Variants in ZNF507 observed in about 807,000 individuals in gnomAD.
The protein encoded by ZNF507 is zinc finger protein 507.
ZNF507 carries 29 observed loss-of-function variants against 80.0 expected under a neutral mutation model. The observed-to-expected ratio is 0.36, with a 90% CI of 0.27 to 0.49. The LOEUF is 0.49. Among genes scored for constraint, ZNF507 ranks in the 20% least tolerant of loss-of-function variants. ZNF507 has a pLI of 0.98. For missense variants in ZNF507, 1,081 were observed against 1,152.2 expected (o/e 0.94, Z 0.90); for synonymous variants, 462 against 422.5 (o/e 1.09, Z -1.15).
At chr19:32,373,086 C>T (rs1412871957) in intron 5 of ZNF507, among the ~76,000 whole-genome samples, 1 of 152,146 alleles carries the variant, frequency 6.6e-6, no homozygotes, top group African/African-American at 2.4e-5. Context: ...CAATAAAGCT[C>T]CCCTAAACCT....
chr19:32,355,495 G>T (rs912560238), intron 3 of ZNF507, among the ~76,000 whole-genome samples: 2 of 152,106 alleles, frequency 1.3e-5, no homozygotes, highest in African/African-American at 4.8e-5. Flanking sequence ...CATGTTTTAT[G>T]GGCAGGGTAA....
Position 32,382,835 on chromosome 19 carries a change from A to G in ZNF507, c.2614A>G (p.Ser872Gly), listed in dbSNP as rs1489465838. 4 of 1,614,196 alleles carry G rather than the reference A, an allele frequency of 2.5e-6. No homozygotes were observed. The Admixed American group carries it at 5.0e-5, about 20-fold the overall frequency. Reference sequence around the variant, plus strand: ...TTCAGAACTGATGTCCCAGACTCCCAGTGAAGTTCTGGGTACCAACGAGAA... The same window carrying G: ...TTCAGAACTGATGTCCCAGACTCCCGGTGAAGTTCTGGGTACCAACGAGAA... ...SSSELMSQTP[S>G]EVLGTNENEK... The change falls in exon 7 of 7, where the codon AGT becomes GGT. Residue 872 changes from serine (S) to glycine (G), a missense_variant. Physicochemically the swap from Ser to Gly is moderately conservative, Grantham distance 56. This residue lies in a region of ZNF507 where 138 missense variants were observed against 158.4 expected (regional missense o/e 0.87). Coordinates refer to ENST00000355898, the MANE Select transcript of ZNF507 (RefSeq NM_001136156.2).
chr19:32,374,093 C>T (rs973249884), intron 5 of ZNF507, among the ~76,000 whole-genome samples: 3 of 151,964 alleles, frequency 2.0e-5, no homozygotes, highest in African/African-American at 7.3e-5. Context: ...TTGAACCATC[C>T]TGTCGGGGGA....
intron 5 of ZNF507, among the ~76,000 whole-genome samples, chr19:32,370,661 A>AT (rs554789053): frequency 6.6e-4 from 100 of 151,738 alleles, no homozygotes; most frequent in African/African-American, 2.1e-3. Context: ...GTTTGCAGAT[A>AT]TTTTTTTTGC....
At chr19:32,351,665 A>C (rs928382691) in intron 2 of ZNF507, among the ~76,000 whole-genome samples, 2 of 152,020 alleles carry the variant, frequency 1.3e-5, no homozygotes, top group Non-Finnish European at 2.9e-5. Context: ...CTGGGACTGA[A>C]GTTTAAGAAT....
In ZNF507 at chr19:32,352,904, G is replaced by T. The variant is rs1599545486; in HGVS notation, c.74G>T (p.Ser25Ile). ...GEQEAILTAE[S>I]IISPSLEIDE... Reference sequence around the variant, plus strand: ...CAGGAAGCTATACTGACTGCTGAAAGTATCATCAGTCCTTCATTGGAAATT... The same window carrying T: ...CAGGAAGCTATACTGACTGCTGAAATTATCATCAGTCCTTCATTGGAAATT... Residue 25 changes from serine (S) to isoleucine (I), a missense_variant, in exon 3 of 7, where the codon AGT (serine) becomes ATT (isoleucine). Ser to Ile is a moderately radical substitution (Grantham distance 142, BLOSUM62 -2). Around this residue, in one of 6 missense-constraint regions of ZNF507, gnomAD observed 275 missense variants for 303.9 expected, o/e 0.90. Transcript: ENST00000355898. The T allele has an allele frequency of 6.2e-7, 1 of 1,613,540 alleles. No individual in the cohort carries two copies. Among genetic ancestry groups the T allele is most frequent in the South Asian group, 1.1e-5 (1 of 90,842 alleles).
Position 32,353,268 on chromosome 19 carries a change from A to G in ZNF507, c.438A>G (p.Gln146=), listed in dbSNP as rs181060614. The G allele has an allele frequency of 3.1e-6, 5 of 1,614,206 alleles. No individual in the cohort carries two copies. In the East Asian group the frequency reaches 8.9e-5, roughly 29 times the overall value. ...SFSVLKDHIK[Q]HGQQNEVILM... The stretch of plus-strand genomic sequence containing the variant: ...CCGTGTTAAAAGATCATATTAAGCA[A>G]CATGGTCAGCAAAATGAAGTGATAC... Residue 146 remains glutamine (Q), a synonymous_variant, in exon 3 of 7, where the codon CAA becomes CAG. Transcript: ENST00000355898.
At chr19:32,352,806 C>T in intron 2 of ZNF507, 23 bp from the exon 3 acceptor site, 1 of 1,530,810 alleles carries the variant, frequency 6.5e-7, no homozygotes, top group Admixed American at 2.2e-5. Flanking sequence ...TGGTATTTTT[C>T]TGTTTTACAT....
At chr19:32,361,539 A>C (rs1166242372) in intron 5 of ZNF507, among the ~76,000 whole-genome samples, 3 of 152,184 alleles carry the variant, frequency 2.0e-5, no homozygotes, top group Non-Finnish European at 4.4e-5. Flanking sequence ...CAGCAGACTT[A>C]CTTATAATCA....
At chr19:32,361,226 G>A (rs1000066369) in intron 5 of ZNF507, among the ~76,000 whole-genome samples, 1 of 152,172 alleles carries the variant, frequency 6.6e-6, no homozygotes, top group African/African-American at 2.4e-5. Context: ...TGTAGAATAA[G>A]TCATTTAATT....
Position 32,354,414 on chromosome 19 carries a change from T to C in ZNF507, c.1584T>C (p.Thr528=). The C allele has an allele frequency of 1.9e-6, 3 of 1,614,076 alleles. No individual in the cohort carries two copies. The South Asian group carries it at 3.3e-5, about 18-fold the overall frequency. ...ATATAAACCTTTTAGATCCAGATAC[T>C]AGTCAAAGGCAAGTAGATAGTACAT... ...YGDINLLDPD[T]SQRQVDSTLA... is the part of the protein sequence containing the mutation. The change falls in exon 3 of 7, where the codon ACT becomes ACC. Residue 528 remains threonine, a synonymous_variant. Transcript: ENST00000355898.
At chr19:32,361,852 C>CTTCCTTCCT (rs1390837283) in intron 5 of ZNF507, among the ~76,000 whole-genome samples, 4 of 142,276 alleles carry the variant, frequency 2.8e-5, no homozygotes, top group Non-Finnish European at 6.1e-5. Context: ...TCTTCCTTTC[C>CTTCCTTCCT]TTCCTTCCTT....
In ZNF507 at chr19:32,368,575, A is replaced by C. The variant is rs527495179; in HGVS notation, c.2360+7957A>C. 8.5e-5 allele frequency among the ~76,000 whole-genome samples: 13 copies of C among 152,330 alleles called. No homozygotes were observed. In the East Asian group the frequency reaches 2.5e-3, roughly 29 times the overall value. ...TCATCTGTAGGCATCGTGATTCTTT[A>C]GTCAATGTGTTGGCTTAGGGAAAAA... On this transcript the variant is annotated intron_variant, in intron 5 of 6. Coordinates refer to ENST00000355898, the MANE Select transcript of ZNF507 (RefSeq NM_001136156.2).
In ZNF507 at chr19:32,382,896, G is replaced by C. The variant is rs561810770; in HGVS notation, c.2675G>C (p.Ser892Thr). ...KLSPTSNTSY[S>T]LEKISSLAPP... ...AGCCCTACAAGTAATACCTCATATA[G>C]TTTAGAAAAAATCTCCAGTCTGGCC... Residue 892 changes from serine (S) to threonine (T), a missense_variant, in exon 7 of 7, where the codon AGT (serine) becomes ACT (threonine). Ser to Thr is a moderately conservative substitution (Grantham distance 58, BLOSUM62 1). Around this residue, in one of 6 missense-constraint regions of ZNF507, gnomAD observed 138 missense variants for 158.4 expected, o/e 0.87. Transcript: ENST00000355898. 1 of 1,613,930 alleles carries C rather than the reference G, an allele frequency of 6.2e-7. No homozygotes were observed. The highest frequency in any genetic ancestry group is 8.5e-7 in the Non-Finnish European group (1 of 1,180,012).
chr19:32,367,811 T>C (rs1404821073), intron 5 of ZNF507, among the ~76,000 whole-genome samples: 1 of 152,204 alleles, frequency 6.6e-6, no homozygotes, highest in African/African-American at 2.4e-5. Flanking sequence ...ATGATAAGGT[T>C]GTCTCTCAGT....
intron 5 of ZNF507, among the ~76,000 whole-genome samples, chr19:32,363,668 C>T (rs1451162090): frequency 6.6e-6 from 1 of 152,214 alleles, no homozygotes; most frequent in Non-Finnish European, 1.5e-5. Context: ...ACATAATAAA[C>T]AGCCAGTAAG....
Position 32,386,664 on chromosome 19 carries a change from A to C in ZNF507, c.*3581A>C, listed in dbSNP as rs1250538630. 1.3e-5 allele frequency: 2 copies of C among 152,656 alleles called. No individual in the cohort carries two copies. The highest frequency in any genetic ancestry group is 4.8e-5 in the African/African-American group (2 of 41,472). 9.5% of individuals were successfully genotyped at this position (152,656 alleles called of 1,614,324 possible). ...CATCAAGCTGCATGCCTTAAAGCGG[A>C]AACTCTAGGACTGTGTTCATGGGAG... On this transcript the variant is annotated 3_prime_UTR_variant, in exon 7 of 7. Coordinates refer to ENST00000355898, the MANE Select transcript of ZNF507 (RefSeq NM_001136156.2).
rs760522180 is a variant in ZNF507, at chr19:32,354,816, C to T, written c.1986C>T (p.Val662=). Residue 662 remains valine, a synonymous_variant, in exon 3 of 7, where the codon GTC becomes GTT. Transcript: ENST00000355898. ...NKGYIKQHLR[V]HRQRQPYQCP... is the part of the protein sequence containing the mutation. ...GCTACATCAAGCAGCACTTACGAGTCCATCGACAGAGACAGCCTTATCAGT... is the reference window on the plus strand; with the variant it reads ...GCTACATCAAGCAGCACTTACGAGTTCATCGACAGAGACAGCCTTATCAGT... The T allele has an allele frequency of 6.2e-7, 1 of 1,614,182 alleles. No homozygotes were observed. Among genetic ancestry groups the T allele is most frequent in the South Asian group, 1.1e-5 (1 of 91,080 alleles).
intron 5 of ZNF507, among the ~76,000 whole-genome samples, chr19:32,376,980 A>G (rs1031260245): frequency 2.6e-5 from 4 of 152,086 alleles, no homozygotes; most frequent in Non-Finnish European, 2.9e-5. Context: ...TACTTTCACT[A>G]ATTTTGCTAC....
Sources: gnomAD v4.1 joint callset for allele counts (sites outside exome capture counted in the v4.1 genomes callset) on GRCh38, gnomAD v4.1.1 for gene constraint, gnomAD v4.1.1 regional missense constraint, MANE v1.5 for transcripts, NCBI Gene and HGNC (gene_info 2026-07-23, HGNC 2026-07-21) for gene names.